PRKD2: variants seen among roughly 807,000 people sequenced by gnomAD.
PRKD2 encodes protein kinase D2, also known as serine/threonine-protein kinase D2.
A neutral mutation model predicts 86.0 loss-of-function variants in PRKD2; 22 were observed. The observed-to-expected ratio is 0.26, with a 90% CI of 0.18 to 0.37. PRKD2 has a LOEUF of 0.37. PRKD2 is among the 10% of genes least tolerant of loss of function. The pLI is 1.00. For synonymous variants in PRKD2, 509 were observed against 510.9 expected (o/e 1.00, Z 0.05); for missense variants, 818 against 1,199.2 (o/e 0.68, Z 4.70).
chr19:46,713,810 GAT>G, intron 2 of PRKD2, 51 bp downstream of exon 2: 3 of 650,522 alleles, frequency 4.6e-6, no homozygotes, highest in Non-Finnish European at 4.6e-6. Context: ...TCCTCCCCCA[GAT>G]GCCCCGCCCC....
At chr19:46,709,751 T>G (rs964482791) in intron 3 of PRKD2, among the ~76,000 whole-genome samples, 3 of 152,210 alleles carry the variant, frequency 2.0e-5, no homozygotes, top group East Asian at 3.8e-4. Flanking sequence ...GTGGGTCTCA[T>G]TCAATCAGCT....
intron 2 of PRKD2, among the ~76,000 whole-genome samples, chr19:46,713,617 A>AT (rs199550369): frequency 2.8e-4 from 40 of 141,844 alleles, no homozygotes; most frequent in South Asian, 8.9e-4. Flanking sequence ...AACTCTCCTT[A>AT]TTTTTTTTTT....
intron 9 of PRKD2, among the ~76,000 whole-genome samples, chr19:46,696,281 G>T (rs1332001294): frequency 2.6e-5 from 4 of 152,028 alleles, no homozygotes; most frequent in Non-Finnish European, 5.9e-5. Context: ...GGAGCCACTG[G>T]GGGGTTTGAC....
intron 2 of PRKD2, among the ~76,000 whole-genome samples, chr19:46,712,882 CTG>C (rs2053828439): frequency 6.6e-6 from 1 of 152,220 alleles, no homozygotes; most frequent in African/African-American, 2.4e-5. Context: ...TGGCTTCTGG[CTG>C]TGTCTTAGAA....
At chr19:46,676,066 G>T (rs544979965) in intron 16 of PRKD2, among the ~76,000 whole-genome samples, 1 of 152,258 alleles carries the variant, frequency 6.6e-6, no homozygotes, top group African/African-American at 2.4e-5. Flanking sequence ...ACCAACTTAT[G>T]ATATTTTCAA....
In PRKD2 at chr19:46,691,796, A is replaced by C; in HGVS notation, c.1641T>G (p.Thr547=). 6.2e-7 allele frequency: 1 copy of C among 1,614,000 alleles called. No individual in the cohort carries two copies. The highest frequency in any genetic ancestry group is 1.1e-5 in the South Asian group (1 of 91,066). ...CTTCGTCAGGGAAGATCTGGTAGAC[A>C]GTGGCAATGTCCTACAGGGTGAAGA... ...SQIQENVDIA[T]VYQIFPDEVL... Residue 547 remains threonine, a synonymous_variant, in exon 12 of 18, where the codon ACT becomes ACG. Transcript: ENST00000291281.
At chr19:46,696,346 AG>A (rs2053557160) in intron 9 of PRKD2, among the ~76,000 whole-genome samples, 1 of 152,142 alleles carries the variant, frequency 6.6e-6, no homozygotes, top group South Asian at 2.1e-4. Context: ...TTGTGAGGTC[AG>A]AAGCAAGGAC....
At position 46,691,751 on chromosome 19, in the gene PRKD2, A is replaced by G. The variant is rs1218836734; in HGVS notation, c.1686T>C (p.Phe562=). 23 of 1,612,646 alleles carry G rather than the reference A, an allele frequency of 1.4e-5. No individual in the cohort carries two copies. The highest frequency in any genetic ancestry group is 1.9e-5 in the Non-Finnish European group (22 of 1,179,976). The change falls in exon 12 of 18, where the codon TTT becomes TTC. Residue 562 remains phenylalanine (F), a synonymous_variant. Transcript: ENST00000291281. ...TGTCCTCACCTCCATAGACCACTCCAAACTGCCCTGAGCCCAGCACTTCGT... is the reference window on the plus strand; with the variant it reads ...TGTCCTCACCTCCATAGACCACTCCGAACTGCCCTGAGCCCAGCACTTCGT... ...FPDEVLGSGQ[F]GVVYGGKHRK...
intron 7 of PRKD2, 21 bp downstream of exon 7, chr19:46,700,778 C>T (rs1281305487): frequency 4.4e-6 from 7 of 1,601,252 alleles, no homozygotes; most frequent in Non-Finnish European, 5.1e-6. Flanking sequence ...CCCAGGGTCT[C>T]TTGGAGGGTT....
chr19:46,689,533 G>A lies in PRKD2; in HGVS notation c.1971+4C>T, dbSNP rs762429018. 28 of 1,596,192 alleles carry A rather than the reference G, an allele frequency of 1.8e-5. No homozygotes were observed. Among genetic ancestry groups the A allele is most frequent in the Non-Finnish European group, 2.6e-6 (3 of 1,172,184 alleles). ...GCGGGTGGCAGCGGGCAGGGCAGAC[G>A]CACCTGGGTGATGAGGAACTTGGTG... On this transcript the variant is annotated splice_donor_region_variant and intron_variant, in intron 14 of 17. Coordinates refer to ENST00000291281, the MANE Select transcript of PRKD2 (RefSeq NM_016457.5).
chr19:46,712,940 C>T (rs1332118974), intron 2 of PRKD2, among the ~76,000 whole-genome samples: 1 of 152,186 alleles, frequency 6.6e-6, no homozygotes, highest in Non-Finnish European at 1.5e-5. Flanking sequence ...GATTCCATCT[C>T]ACTTTGCAGA....
chr19:46,710,987 T>G lies in PRKD2; in HGVS notation c.431A>C (p.His144Pro). 6.3e-7 allele frequency: 1 copy of G among 1,578,606 alleles called. No individual in the cohort carries two copies. The highest frequency in any genetic ancestry group is 8.6e-7 in the Non-Finnish European group (1 of 1,162,346). Residue 144 changes from histidine (H) to proline (P), a missense_variant, in exon 3 of 18, where the codon CAC becomes CCC. His to Pro is a moderately conservative substitution (Grantham distance 77, BLOSUM62 -2). Coordinates refer to ENST00000291281, the MANE Select transcript of PRKD2 (RefSeq NM_016457.5). ...ACAGAAGGCAGGCGCCCGATAGGAG[T>G]GCACCGTGAGGGCGTGCGGGCGGAT... Reference protein sequence around the residue: ...FQIRPHALTVHSYRAPAFCDH... With the variant: ...FQIRPHALTVPSYRAPAFCDH...
At chr19:46,701,003 C>G in intron 6 of PRKD2, 32 bp downstream of exon 6, 1 of 1,614,254 alleles carries the variant, frequency 6.2e-7, no homozygotes, top group East Asian at 2.2e-5. Context: ...TGCCCCTTCC[C>G]CTTTCTCCCC....
chr19:46,691,080 T>TA (rs2053477043), intron 12 of PRKD2, among the ~76,000 whole-genome samples: 1 of 152,070 alleles, frequency 6.6e-6, no homozygotes, highest in Admixed American at 6.6e-5. Context: ...AACTGAGTCT[T>TA]AGAGTTTAGA....
intron 8 of PRKD2, 64 bp downstream of exon 8, chr19:46,697,669 C>G (rs1482704609): frequency 2.0e-6 from 3 of 1,486,406 alleles, no homozygotes; most frequent in Non-Finnish European, 1.9e-6. Context: ...CCCGCCTACT[C>G]AAGCTGAGCC....
intron 3 of PRKD2, among the ~76,000 whole-genome samples, chr19:46,709,533 G>A (rs1302443473): frequency 1.3e-5 from 2 of 152,048 alleles, no homozygotes; most frequent in African/African-American, 2.4e-5. Context: ...CGGCTTTTTT[G>A]TATTTTTAGT....
chr19:46,689,116 C>CT (rs58378541), intron 14 of PRKD2: 1,361 of 109,882 alleles, frequency 0.012, 36 homozygotes, highest in African/African-American at 0.038. Context: ...ATTATGGTTC[C>CT]TTTTTTTTTT....
In PRKD2 at chr19:46,675,481, T is replaced by C. The variant is rs953507987; in HGVS notation, c.2339-363A>G. Reference sequence around the variant, plus strand: ...TTTATTGAGACAGAGTCTCGCTCTGTCGCCCAGGCTGGAGTGCAATGGCAC... The same window carrying C: ...TTTATTGAGACAGAGTCTCGCTCTGCCGCCCAGGCTGGAGTGCAATGGCAC... On this transcript the variant is annotated intron_variant, in intron 16 of 17. Coordinates refer to ENST00000291281, the MANE Select transcript of PRKD2 (RefSeq NM_016457.5). Among the ~76,000 whole-genome samples, 3 of 152,202 alleles carry C rather than the reference T, an allele frequency of 2.0e-5. No individual in the cohort carries two copies. In the East Asian group the frequency reaches 5.8e-4, roughly 29 times the overall value.
chr19:46,704,793 C>G, intron 3 of PRKD2, 144 bp from the exon 4 acceptor site: 1 of 1,114,166 alleles, frequency 9.0e-7, no homozygotes, highest in Non-Finnish European at 1.2e-6. Flanking sequence ...AAAGGCACTA[C>G]TATCCGTAAG....
Sources: allele counts gnomAD v4.1 joint callset (sites outside exome capture counted in the v4.1 genomes callset), GRCh38; gene constraint gnomAD v4.1.1; transcripts MANE v1.5; gene names NCBI Gene and HGNC (gene_info 2026-07-23, HGNC 2026-07-21).